Variants in ZNF521 observed in about 807,000 individuals in gnomAD.
ZNF521 encodes zinc finger protein 521.
In ZNF521, 14 loss-of-function variants were observed where a neutral mutation model predicts 105.5. That is an observed-to-expected ratio of 0.13 (90% confidence interval 0.09 to 0.21). ZNF521 has a LOEUF of 0.21. ZNF521 is among the 10% of genes least tolerant of loss of function. The pLI, the probability that ZNF521 is intolerant of heterozygous loss-of-function variation, is 1.00. For missense variants in ZNF521, 1,233 were observed against 1,629.7 expected, an observed-to-expected ratio of 0.76 and a Z score of 4.19; for synonymous variants, 635 against 606.0, an observed-to-expected ratio of 1.05 and a Z score of -0.70.
chr18:25,206,336 A>G (rs932455148), intron 4 of ZNF521, among the ~76,000 whole-genome samples: 4 of 152,142 alleles, frequency 2.6e-5, no homozygotes, highest in Non-Finnish European at 1.5e-5. Flanking sequence ...ACTGCAATAC[A>G]TAATTAGTTA....
chr18:25,246,668 T>C (rs1809416132), intron 3 of ZNF521, among the ~76,000 whole-genome samples: 1 of 152,244 alleles, frequency 6.6e-6, no homozygotes. Context: ...AATTTTCCAG[T>C]CTTATCTGTG....
chr18:25,283,920 T>G (rs1024803759), intron 3 of ZNF521, among the ~76,000 whole-genome samples: 2 of 78,414 alleles, frequency 2.6e-5, no homozygotes, highest in African/African-American at 1.1e-4. Context: ...AAGCCAATAC[T>G]TTCCCCCCCC....
At chr18:25,291,847 C>T (rs1318073024) in intron 3 of ZNF521, among the ~76,000 whole-genome samples, 1 of 152,026 alleles carries the variant, frequency 6.6e-6, no homozygotes, top group Non-Finnish European at 1.5e-5. Context: ...AATCAACACC[C>T]TCTCTAGATA....
At chr18:25,321,977 A>G in intron 3 of ZNF521, 31 bp downstream of exon 3, 1 of 1,601,136 alleles carries the variant, frequency 6.2e-7, no homozygotes, top group Non-Finnish European at 8.5e-7. Context: ...GAACAGTACA[A>G]GAAGACAAAA....
At chr18:25,217,598 CA>C (rs965161573) in intron 4 of ZNF521, among the ~76,000 whole-genome samples, 5 of 152,102 alleles carry the variant, frequency 3.3e-5, no homozygotes, top group African/African-American at 1.2e-4. Flanking sequence ...ATTTGTCCTG[CA>C]AAAATAAGAA....
intron 3 of ZNF521, among the ~76,000 whole-genome samples, chr18:25,291,160 T>G (rs572007827): frequency 7.2e-5 from 11 of 152,320 alleles, no homozygotes; most frequent in African/African-American, 2.6e-4. Context: ...TTCTTTCACA[T>G]GTGGCCATAA....
At chr18:25,330,149 C>T (rs1913481152) in intron 2 of ZNF521, among the ~76,000 whole-genome samples, 1 of 151,606 alleles carries the variant, frequency 6.6e-6, no homozygotes, top group Non-Finnish European at 1.5e-5. Flanking sequence ...AGAAAAATCA[C>T]ACCACCTAAC....
At chr18:25,143,513 T>G (rs1005570197) in intron 5 of ZNF521, among the ~76,000 whole-genome samples, 1 of 152,140 alleles carries the variant, frequency 6.6e-6, no homozygotes. Context: ...TTGTTTAGAA[T>G]AAACTGCTAG....
chr18:25,092,734 T>C (rs1248340394), intron 5 of ZNF521, among the ~76,000 whole-genome samples: 2 of 152,178 alleles, frequency 1.3e-5, no homozygotes, highest in Admixed American at 6.5e-5. Flanking sequence ...AGCACTTTTG[T>C]GACCTCCAGG....
chr18:25,201,394 A>G (rs1378444114), intron 4 of ZNF521: 1 of 152,176 alleles, frequency 6.6e-6, no homozygotes, highest in Non-Finnish European at 1.5e-5. Flanking sequence ...TTCCATAGGG[A>G]TTAAACCCTA....
chr18:25,225,720 G>A lies in ZNF521; in HGVS notation c.2198C>T (p.Ser733Leu). 2.5e-6 allele frequency: 4 copies of A among 1,614,168 alleles called. No individual in the cohort carries two copies. The highest frequency in any genetic ancestry group is 1.3e-5 in the African/African-American group (1 of 75,046). Residue 733 changes from serine to leucine, a missense_variant, in exon 4 of 8, where the codon TCA becomes TTA. Ser to Leu is a moderately radical substitution (Grantham distance 145). This residue lies in a region of ZNF521 where 614 missense variants were observed against 751.5 expected (regional missense o/e 0.82). Coordinates refer to ENST00000361524, the MANE Select transcript of ZNF521 (RefSeq NM_015461.3). The surrounding 1 kb of genome is among the most constrained non-coding windows in gnomAD (Gnocchi z 5.6). ...CAAGTGGAGCTGAATGGAGACTTTT[G>A]AGTCAAAAACTTCCTGGCAGAGGGT... ...RCTLCQEVFD[S>L]KVSIQLHLAV...
intron 3 of ZNF521, among the ~76,000 whole-genome samples, chr18:25,315,033 C>T (rs1453350037): frequency 1.3e-5 from 2 of 152,222 alleles, no homozygotes; most frequent in African/African-American, 4.8e-5. Context: ...ACCCCTCTGG[C>T]TTCCAGCCCT....
intron 5 of ZNF521, among the ~76,000 whole-genome samples, chr18:25,116,519 A>G (rs1180874205): frequency 1.3e-5 from 2 of 152,066 alleles, no homozygotes; most frequent in Non-Finnish European, 2.9e-5. Context: ...TACACACTAA[A>G]CCTTGTGGAA....
At chr18:25,201,980 T>C (rs1239267953) in intron 4 of ZNF521, 1 of 152,202 alleles carries the variant, frequency 6.6e-6, no homozygotes, top group Non-Finnish European at 1.5e-5. Flanking sequence ...TAATGCTTAC[T>C]TATTTACTAA....
At chr18:25,239,390 T>C (rs1194981340) in intron 3 of ZNF521, among the ~76,000 whole-genome samples, 3 of 152,210 alleles carry the variant, frequency 2.0e-5, no homozygotes, top group Non-Finnish European at 4.4e-5. Context: ...TTCAAGTGTG[T>C]ACATGAAAAA....
chr18:25,161,021 C>T (rs768007409), intron 5 of ZNF521, among the ~76,000 whole-genome samples: 42 of 152,088 alleles, frequency 2.8e-4, no homozygotes, highest in Non-Finnish European at 4.9e-4. Context: ...GACCCTGAAG[C>T]AGATGCAGTT....
chr18:25,135,238 C>T (rs1461417750), intron 5 of ZNF521, among the ~76,000 whole-genome samples: 2 of 151,126 alleles, frequency 1.3e-5, no homozygotes, highest in Admixed American at 6.6e-5. Context: ...GCTTCTTTAC[C>T]TTATTTTATA....
chr18:25,208,968 T>G (rs2144677565), intron 4 of ZNF521, among the ~76,000 whole-genome samples: 1 of 152,280 alleles, frequency 6.6e-6, no homozygotes, highest in South Asian at 2.1e-4. Flanking sequence ...AAATGTAAAA[T>G]TTCGAAGATA....
chr18:25,116,683 G>C (rs1469328527), intron 5 of ZNF521, among the ~76,000 whole-genome samples: 2 of 151,658 alleles, frequency 1.3e-5, no homozygotes, highest in African/African-American at 4.8e-5. Flanking sequence ...GTCAACACTT[G>C]GATGAAGAAG....
Sources: allele counts gnomAD v4.1 joint callset (sites outside exome capture counted in the v4.1 genomes callset), GRCh38; gene constraint gnomAD v4.1.1; regional missense constraint gnomAD v4.1.1; non-coding constraint Gnocchi (gnomAD v3.1); transcripts MANE v1.5; gene names NCBI Gene and HGNC (gene_info 2026-07-23, HGNC 2026-07-21).